The following KLF12 variants were observed in gnomAD, a reference collection of about 807,000 sequenced individuals.
KLF12 encodes the protein Krueppel-like factor 12.
Under a neutral mutation model 37.8 loss-of-function variants are expected in KLF12, and 9 were observed. The ratio of observed to expected loss-of-function variants is 0.24; its 90% confidence interval spans 0.14 to 0.42. KLF12 has a LOEUF of 0.42. Among genes scored for constraint, KLF12 ranks in the 10% least tolerant of loss-of-function variants. The pLI, the probability that KLF12 is intolerant of heterozygous loss-of-function variation, is 1.00. For missense variants in KLF12, 411 were observed against 516.0 expected, an observed-to-expected ratio of 0.80 and a Z score of 1.97; for synonymous variants, 208 against 202.1, an observed-to-expected ratio of 1.03 and a Z score of -0.25.
intron 1 of KLF12, among the ~76,000 whole-genome samples, chr13:74,006,355 A>C (rs1340415235): frequency 6.6e-6 from 1 of 152,018 alleles, no homozygotes; most frequent in Non-Finnish European, 1.5e-5. Flanking sequence ...CCTAACTTTA[A>C]CACATGCTTT....
intron 5 of KLF12, among the ~76,000 whole-genome samples, chr13:73,808,177 CATCAAGGGGGTGGGGG>C (rs1882746327): frequency 6.6e-6 from 1 of 152,050 alleles, no homozygotes; most frequent in East Asian, 1.9e-4. Flanking sequence ...CCTGTTTTAT[CATCAAGGGGGTGGGGG>C]ATCAAGACCA....
At chr13:74,139,834 T>A in the KLF12 span, among the ~76,000 whole-genome samples, 1 of 152,060 alleles carries the variant, frequency 6.6e-6, no homozygotes, top group Non-Finnish European at 1.5e-5. Context: ...TATAATAAAT[T>A]GAGGCATATG....
chr13:73,840,518 G>C (rs1884683866), intron 4 of KLF12, among the ~76,000 whole-genome samples: 1 of 152,044 alleles, frequency 6.6e-6, no homozygotes, highest in Non-Finnish European at 1.5e-5. Context: ...ACCCCACTGT[G>C]CTCATCTTAG....
the KLF12 span, among the ~76,000 whole-genome samples, chr13:74,267,780 C>T: frequency 1.3e-5 from 2 of 152,068 alleles, no homozygotes; most frequent in Non-Finnish European, 2.9e-5. Flanking sequence ...GTGATGGATA[C>T]CCCAATTGCC....
chr13:73,725,217 C>G (rs1301454259), intron 6 of KLF12, among the ~76,000 whole-genome samples: 1 of 152,188 alleles, frequency 6.6e-6, no homozygotes, highest in African/African-American at 2.4e-5. Context: ...TCTCCTGACT[C>G]AGTCTCCTGA....
At chr13:74,210,421 C>G in the KLF12 span, among the ~76,000 whole-genome samples, 8 of 152,068 alleles carry the variant, frequency 5.3e-5, no homozygotes, top group Non-Finnish European at 1.0e-4. Flanking sequence ...CAAAATTGTC[C>G]AAAGATTCTA....
chr13:73,710,744 C>A (rs890343975), intron 7 of KLF12, among the ~76,000 whole-genome samples: 6 of 123,870 alleles, frequency 4.8e-5, no homozygotes, highest in Non-Finnish European at 8.5e-5. Context: ...CCTTGAGACA[C>A]AACAATATTG....
At chr13:74,302,544 G>C in the KLF12 span, among the ~76,000 whole-genome samples, 1 of 152,172 alleles carries the variant, frequency 6.6e-6, no homozygotes, top group African/African-American at 2.4e-5. Flanking sequence ...ATAAAAGGAA[G>C]ACTGAAGAAA....
chr13:74,041,912 T>C (rs1020639010), intron 1 of KLF12, among the ~76,000 whole-genome samples: 1 of 152,198 alleles, frequency 6.6e-6, no homozygotes, highest in Admixed American at 6.5e-5. Flanking sequence ...ATAATTCATA[T>C]AAACATCTAA....
At chr13:74,090,941 A>AAG (rs902743849) in intron 1 of KLF12, among the ~76,000 whole-genome samples, 11 of 151,888 alleles carry the variant, frequency 7.2e-5, no homozygotes, top group Admixed American at 2.0e-4. Flanking sequence ...GAAAAAAAAA[A>AAG]AAAGAAAGTA....
the KLF12 span, among the ~76,000 whole-genome samples, chr13:74,187,786 C>T: frequency 1.3e-5 from 2 of 152,292 alleles, no homozygotes; most frequent in African/African-American, 4.8e-5. Context: ...ATGTGCTAAG[C>T]TGTTTGAACA....
At chr13:73,831,780 T>A (rs1419347482) in intron 4 of KLF12, among the ~76,000 whole-genome samples, 1 of 152,172 alleles carries the variant, frequency 6.6e-6, no homozygotes, top group Non-Finnish European at 1.5e-5. Flanking sequence ...GTATTCAGCA[T>A]CTATAAACTG....
chr13:74,124,312 C>G (rs1877811955), intron 1 of KLF12, among the ~76,000 whole-genome samples: 1 of 152,174 alleles, frequency 6.6e-6, no homozygotes, highest in Admixed American at 6.5e-5. Flanking sequence ...TTCTAAATAT[C>G]CCTTCAAGCA....
At chr13:73,745,156 A>G (rs1271143896) in intron 6 of KLF12, among the ~76,000 whole-genome samples, 1 of 152,238 alleles carries the variant, frequency 6.6e-6, no homozygotes, top group Non-Finnish European at 1.5e-5. Context: ...GTTCATTACC[A>G]CACATAACTG....
At chr13:74,038,684 A>G (rs1400531458) in intron 1 of KLF12, among the ~76,000 whole-genome samples, 3 of 152,204 alleles carry the variant, frequency 2.0e-5, no homozygotes, top group Non-Finnish European at 4.4e-5. Flanking sequence ...AACCCTGTGG[A>G]GAAATTTTTG....
chr13:73,769,501 A>G (rs1294216848), intron 5 of KLF12, among the ~76,000 whole-genome samples: 4 of 152,088 alleles, frequency 2.6e-5, no homozygotes, highest in African/African-American at 9.7e-5. Flanking sequence ...AAATGTTGGC[A>G]TGGGCTAGTT....
intron 5 of KLF12, among the ~76,000 whole-genome samples, chr13:73,770,041 G>A (rs2138110461): frequency 6.6e-6 from 1 of 152,156 alleles, no homozygotes; most frequent in Admixed American, 6.5e-5. Flanking sequence ...ATGATTAAAT[G>A]ATTATCTATA....
At chr13:74,218,479 G>GC in the KLF12 span, among the ~76,000 whole-genome samples, 3 of 152,120 alleles carry the variant, frequency 2.0e-5, no homozygotes, top group Non-Finnish European at 4.4e-5. Context: ...CATACTAACT[G>GC]CCCCCGCTCC....
chr13:73,967,089 C>T (rs186337686), intron 2 of KLF12, among the ~76,000 whole-genome samples: 157 of 152,272 alleles, frequency 1.0e-3, no homozygotes, highest in African/African-American at 3.6e-3. Context: ...TTTTCTAATA[C>T]CTTCCTATGA....
Sources: allele counts gnomAD v4.1 joint callset (sites outside exome capture counted in the v4.1 genomes callset), GRCh38; gene constraint gnomAD v4.1.1; transcripts MANE v1.5; gene names NCBI Gene and HGNC (gene_info 2026-07-23, HGNC 2026-07-21).